Variants in AKAP13 observed in about 807,000 individuals in gnomAD.
AKAP13 encodes the protein A-kinase anchoring protein 13, also known as A-kinase anchor protein 13.
A neutral mutation model predicts 264.5 loss-of-function variants in AKAP13; 80 were observed. That is an observed-to-expected ratio of 0.30 (90% CI 0.25 to 0.36). The LOEUF (loss-of-function observed/expected upper bound fraction) is 0.36, where lower values mean the gene tolerates loss of function less well. AKAP13 is among the 10% of genes least tolerant of loss of function. The pLI is 1.00. For synonymous variants in AKAP13, 1,380 were observed against 1,250.2 expected (o/e 1.10, Z -2.19); for missense variants, 3,712 against 3,435.2 (o/e 1.08, Z -2.01).
intron 8 of AKAP13, among the ~76,000 whole-genome samples, chr15:85,602,838 A>G (rs1453654036): frequency 6.6e-6 from 1 of 152,226 alleles, no homozygotes; most frequent in African/African-American, 2.4e-5. Flanking sequence ...GTAAAATCCT[A>G]CATTGGTCAT....
intron 4 of AKAP13, among the ~76,000 whole-genome samples, chr15:85,541,590 T>A (rs533245961): frequency 6.6e-6 from 1 of 152,248 alleles, no homozygotes; most frequent in East Asian, 1.9e-4. Context: ...AAAAGGTTTT[T>A]TGTTTGTTTG....
intron 1 of AKAP13, among the ~76,000 whole-genome samples, chr15:85,416,301 C>T (rs1026623959): frequency 1.3e-5 from 2 of 152,088 alleles, no homozygotes; most frequent in African/African-American, 4.8e-5. Context: ...TCAGTACTTT[C>T]TTGGGAGTGG....
intron 1 of AKAP13, among the ~76,000 whole-genome samples, chr15:85,407,973 A>G (rs1213368511): frequency 6.6e-6 from 1 of 151,616 alleles, no homozygotes; most frequent in Non-Finnish European, 1.5e-5. Context: ...GATCTAATGG[A>G]CATTTTGAAA....
rs144046030 is a variant in AKAP13, at chr15:85,564,329, A to G, written c.663-10802A>G. Among the ~76,000 whole-genome samples the G allele has an allele frequency of 6.3e-3, 964 of 152,290 alleles. 10 individuals are homozygous for G. Among genetic ancestry groups the G allele is most frequent in the African/African-American group, 0.022 (903 of 41,568 alleles). Reference sequence around the variant, plus strand: ...TTCTCCGATTCTTAACATTGGTTACATTTGCTTTATCTGTGTGTGTATACA... The same window carrying G: ...TTCTCCGATTCTTAACATTGGTTACGTTTGCTTTATCTGTGTGTGTATACA... On this transcript the variant is annotated intron_variant, in intron 5 of 36. Coordinates refer to ENST00000394518, the MANE Select transcript of AKAP13 (RefSeq NM_007200.5).
In AKAP13 at chr15:85,533,832, A is replaced by T. The variant is rs932817360; in HGVS notation, c.430A>T (p.Lys144Ter). Residue 144 changes from lysine to a stop codon, truncating the protein, a stop_gained, in exon 4 of 37, where the codon AAG (lysine) becomes TAG (stop). Coordinates refer to ENST00000394518, the MANE Select transcript of AKAP13 (RefSeq NM_007200.5). LOFTEE classifies it high-confidence loss of function. ...GTTGGTGCTGGCATTCAGGCACCTG[A>T]AGCTGCCCACGGAGTGGAATGTATT... ...KKLVLAFRHL[K>*]LPTEWNVLGT... is the part of the protein sequence containing the mutation. The T allele has an allele frequency of 6.2e-7, 1 of 1,613,214 alleles. No individual in the cohort carries two copies. Among genetic ancestry groups the T allele is most frequent in the Non-Finnish European group, 8.5e-7 (1 of 1,179,590 alleles).
chr15:85,560,729 G>C (rs1257076984), intron 5 of AKAP13, among the ~76,000 whole-genome samples: 1 of 151,948 alleles, frequency 6.6e-6, no homozygotes, highest in Non-Finnish European at 1.5e-5. Context: ...ATTAAAACTA[G>C]TGAGTGCTAG....
At chr15:85,519,144 G>A (rs1567100798) in intron 2 of AKAP13, among the ~76,000 whole-genome samples, 1 of 151,952 alleles carries the variant, frequency 6.6e-6, no homozygotes, top group African/African-American at 2.4e-5. Context: ...TTTAGGCTGT[G>A]GGCTAAGTTC....
intron 1 of AKAP13, among the ~76,000 whole-genome samples, chr15:85,422,369 G>A (rs1320179780): frequency 2.0e-5 from 3 of 152,136 alleles, no homozygotes; most frequent in African/African-American, 7.2e-5. Context: ...TGTAAGATGA[G>A]GAAGAGTTAG....
intron 9 of AKAP13, among the ~76,000 whole-genome samples, chr15:85,644,595 A>T (rs1306756918): frequency 4.1e-5 from 6 of 146,858 alleles, no homozygotes; most frequent in Non-Finnish European, 1.5e-5. Flanking sequence ...CACACCTGTA[A>T]TCCCAGCACT....
intron 3 of AKAP13, among the ~76,000 whole-genome samples, chr15:85,529,553 G>A (rs1178026896): frequency 1.3e-5 from 2 of 152,192 alleles, no homozygotes; most frequent in South Asian, 4.1e-4. Context: ...GTAGGCATAC[G>A]CGGTGTAAAA....
intron 24 of AKAP13, 26 bp from the exon 25 acceptor site, chr15:85,722,204 C>T: frequency 6.2e-7 from 1 of 1,609,906 alleles, no homozygotes; most frequent in Non-Finnish European, 8.5e-7. Flanking sequence ...CATGTGATTC[C>T]TCACAGTCTG....
At chr15:85,386,612 A>C (rs560370452) in intron 1 of AKAP13, among the ~76,000 whole-genome samples, 2 of 152,244 alleles carry the variant, frequency 1.3e-5, no homozygotes, top group East Asian at 3.9e-4. Context: ...TATCATTTAA[A>C]ATTTTATATT....
rs565439099 is a variant in AKAP13, at chr15:85,723,986, A to AT, written c.6745+674dup. ...GTTTTTTAATTTATGTGTACATTTGATTTTTTTTGTTTGTTTTCATCAAAC... is the reference window on the plus strand; with the variant it reads ...GTTTTTTAATTTATGTGTACATTTGATTTTTTTTTGTTTGTTTTCATCAAAC... On this transcript the variant is annotated intron_variant, in intron 26 of 36. Transcript: ENST00000394518. Among the ~76,000 whole-genome samples, 6 of 152,032 alleles carry AT rather than the reference A, an allele frequency of 3.9e-5. No individual in the cohort carries two copies. The South Asian group carries it at 8.3e-4, about 21-fold the overall frequency.
chr15:85,427,603 G>A (rs1047194692), intron 1 of AKAP13, among the ~76,000 whole-genome samples: 7 of 152,130 alleles, frequency 4.6e-5, no homozygotes, highest in South Asian at 2.1e-4. Flanking sequence ...GGAAGAAACC[G>A]TTGAAAGTAT....
chr15:85,456,667 C>T (rs867255330), intron 1 of AKAP13, among the ~76,000 whole-genome samples: 1 of 151,674 alleles, frequency 6.6e-6, no homozygotes. Flanking sequence ...TCTTCTGCCT[C>T]AGCCTCCCGA....
Position 85,405,208 on chromosome 15 carries a change from CT to C in AKAP13, c.-12+24413del, listed in dbSNP as rs1257711999. Among the ~76,000 whole-genome samples the C allele has an allele frequency of 2.6e-5, 4 of 152,172 alleles. No homozygotes were observed. In the East Asian group the frequency reaches 7.7e-4, roughly 29 times the overall value. On this transcript the variant is annotated intron_variant, in intron 1 of 36. Transcript: ENST00000394518. ...TGATGTTTTCCTGAAAGATTTGTGCCTTTGAATCTGTGTTCTGAACTTATAC... is the reference window on the plus strand; with the variant it reads ...TGATGTTTTCCTGAAAGATTTGTGCCTTGAATCTGTGTTCTGAACTTATAC...
rs542106179 is a variant in AKAP13, at chr15:85,416,032, T to G, written c.-12+35234T>G. 3.3e-5 allele frequency among the ~76,000 whole-genome samples: 5 copies of G among 152,228 alleles called. No homozygotes were observed. In the South Asian group the frequency reaches 1.0e-3, roughly 32 times the overall value. On this transcript the variant is annotated intron_variant, in intron 1 of 36. Coordinates refer to ENST00000394518, the MANE Select transcript of AKAP13 (RefSeq NM_007200.5). ...GTATGGTAAATGTCAATGGGAAGAT[T>G]CGAATGAAGTGAGATGGGAGCACAG...
chr15:85,529,192 C>T (rs530636896), intron 3 of AKAP13, among the ~76,000 whole-genome samples: 50 of 152,226 alleles, frequency 3.3e-4, no homozygotes, highest in Non-Finnish European at 5.7e-4. Context: ...GAGGCCTAGG[C>T]GGGCGGATTA....
At chr15:85,535,722 T>C (rs1240990839) in intron 4 of AKAP13, 1 of 152,212 alleles carries the variant, frequency 6.6e-6, no homozygotes, top group Non-Finnish European at 1.5e-5. Context: ...GATAGTTTTA[T>C]GTTGCCATGA....
Sources: gnomAD v4.1 joint callset for allele counts (sites outside exome capture counted in the v4.1 genomes callset) on GRCh38, gnomAD v4.1.1 for gene constraint, MANE v1.5 for transcripts, NCBI Gene and HGNC (gene_info 2026-07-23, HGNC 2026-07-21) for gene names.